Variants in TSNARE1 observed in about 807,000 individuals in gnomAD.
TSNARE1 encodes the protein t-SNARE domain-containing protein 1.
TSNARE1 carries 49 observed loss-of-function variants against 62.0 expected under a neutral mutation model. That is an observed-to-expected ratio of 0.79 (90% CI 0.63 to 1.00). TSNARE1 has a LOEUF of 1.00. TSNARE1 is among the 50% of genes least tolerant of loss of function. The probability of loss-of-function intolerance (pLI) is 0.00; values close to 1 mark genes in which losing one functional copy is unlikely to be tolerated. For synonymous variants in TSNARE1, 328 were observed against 294.4 expected (o/e 1.11, Z -1.17); for missense variants, 755 against 700.1 (o/e 1.08, Z -0.88).
chr8:142,330,284 T>C lies in TSNARE1; in HGVS notation c.893+617A>G, dbSNP rs909624610. Among the ~76,000 whole-genome samples, 6 of 152,130 alleles carry C rather than the reference T, an allele frequency of 3.9e-5. No individual in the cohort carries two copies. In the South Asian group the frequency reaches 6.2e-4, roughly 16 times the overall value. ...AACCACACCCAGGGCAGGTGCTCCC[T>C]TCCCCCCGCTCCCCAGCCCAGCCAG... is the stretch of plus-strand genomic sequence containing the variant. On this transcript the variant is annotated intron_variant, in intron 6 of 13. Transcript: ENST00000524325.
intron 2 of TSNARE1, 84 bp from the exon 3 acceptor site, chr8:142,345,976 C>A: frequency 1.3e-6 from 2 of 1,495,606 alleles, no homozygotes; most frequent in Non-Finnish European, 1.8e-6. Flanking sequence ...GGACAGCAGA[C>A]ACCCAGGACC....
intron 4 of TSNARE1, among the ~76,000 whole-genome samples, chr8:142,342,398 C>T (rs115638669): frequency 7.9e-4 from 120 of 152,282 alleles, no homozygotes; most frequent in African/African-American, 1.2e-3. Context: ...GCCAGCACTG[C>T]GGTCCTCGCC....
At position 142,284,402 on chromosome 8, in the gene TSNARE1, C is replaced by T. The variant is rs570698809; in HGVS notation, c.1363+11G>A. 23 of 1,611,008 alleles carry T rather than the reference C, an allele frequency of 1.4e-5. No individual in the cohort carries two copies. In the South Asian group the frequency reaches 1.9e-4, roughly 13 times the overall value. On this transcript the variant is annotated intron_variant, in intron 11 of 13. Transcript: ENST00000524325. ...GGCAGCAGGTGGCCCGAGGCTGGGG[C>T]GGGTACCCACCAACAGCTTCTCCTT...
intron 13 of TSNARE1, among the ~76,000 whole-genome samples, chr8:142,220,421 G>A (rs1195340212): frequency 6.6e-6 from 1 of 152,168 alleles, no homozygotes; most frequent in East Asian, 1.9e-4. Flanking sequence ...TGGAGCTCAG[G>A]GAGGCTGGGT....
chr8:142,332,103 C>T (rs187026911), intron 4 of TSNARE1, among the ~76,000 whole-genome samples: 11 of 152,340 alleles, frequency 7.2e-5, no homozygotes, highest in East Asian at 3.9e-4. Context: ...TTCCATACAC[C>T]GCAGCAGCTG....
At chr8:142,313,693 G>A (rs1828037995) in intron 9 of TSNARE1, among the ~76,000 whole-genome samples, 1 of 152,002 alleles carries the variant, frequency 6.6e-6, no homozygotes, top group Non-Finnish European at 1.5e-5. Flanking sequence ...TTATCTCTGT[G>A]CATCTGTGTT....
chr8:142,269,320 G>A, intron 12 of TSNARE1: 2 of 495,848 alleles, frequency 4.0e-6, no homozygotes, highest in South Asian at 8.6e-5. Flanking sequence ...GCAGGATCAG[G>A]GCTCAGGGTC....
chr8:142,246,271 G>C (rs1184405596), intron 12 of TSNARE1, among the ~76,000 whole-genome samples: 4 of 152,134 alleles, frequency 2.6e-5, no homozygotes, highest in Non-Finnish European at 5.9e-5. Context: ...AGATGGCAGG[G>C]CTGGGCTGAG....
chr8:142,285,190 G>A (rs1029939768), intron 10 of TSNARE1, among the ~76,000 whole-genome samples: 1 of 149,550 alleles, frequency 6.7e-6, no homozygotes, highest in Non-Finnish European at 1.5e-5. Context: ...GGTGGGTGAT[G>A]GGTGGATGGG....
At chr8:142,257,476 A>G (rs1818642726) in intron 12 of TSNARE1, among the ~76,000 whole-genome samples, 1 of 151,358 alleles carries the variant, frequency 6.6e-6, no homozygotes, top group Non-Finnish European at 1.5e-5. Flanking sequence ...CAGCCAGGAG[A>G]CTCTGGGAGC....
At chr8:142,215,685 G>T (rs992550487) in intron 13 of TSNARE1, among the ~76,000 whole-genome samples, 2 of 152,186 alleles carry the variant, frequency 1.3e-5, no homozygotes, top group African/African-American at 4.8e-5. Flanking sequence ...AGGCCAAGGG[G>T]GCAGCAGCCT....
At position 142,354,671 on chromosome 8, in the gene TSNARE1, G is replaced by C. The variant is rs891427472; in HGVS notation, c.54C>G (p.Phe18Leu). 6.2e-7 allele frequency: 1 copy of C among 1,613,076 alleles called. No homozygotes were observed. The highest frequency in any genetic ancestry group is 1.3e-5 in the African/African-American group (1 of 74,870). Residue 18 changes from phenylalanine to leucine, a missense_variant, in exon 2 of 14, where the codon TTC becomes TTG. Transcript: ENST00000524325. ...GACAGCCTTGTCTCGAAGGTCCCCCGAAAGGGCCACGGCTCCCCAGGCCAC... is the reference window on the plus strand; with the variant it reads ...GACAGCCTTGTCTCGAAGGTCCCCCCAAAGGGCCACGGCTCCCCAGGCCAC... ...RGGGLGSRGP[F>L]GGPSRQGCQP...
At chr8:142,217,092 A>C (rs1002943321) in intron 13 of TSNARE1, among the ~76,000 whole-genome samples, 17 of 151,762 alleles carry the variant, frequency 1.1e-4, no homozygotes, top group Non-Finnish European at 1.5e-5. Flanking sequence ...AAATACAAAA[A>C]ATTAGCAAGG....
At chr8:142,218,590 T>C (rs745711227) in intron 13 of TSNARE1, among the ~76,000 whole-genome samples, 63 of 152,230 alleles carry the variant, frequency 4.1e-4, no homozygotes, top group Non-Finnish European at 7.8e-4. Context: ...GCCAGGGAGC[T>C]GTGAGCCCAG....
At chr8:142,215,134 C>T (rs1001338580) in intron 13 of TSNARE1, among the ~76,000 whole-genome samples, 2 of 152,204 alleles carry the variant, frequency 1.3e-5, no homozygotes, top group South Asian at 2.1e-4. Context: ...AGGGCCCGCA[C>T]GGACACCATG....
chr8:142,323,173 G>A (rs994650789), intron 6 of TSNARE1, among the ~76,000 whole-genome samples: 1 of 152,262 alleles, frequency 6.6e-6, no homozygotes, highest in South Asian at 2.1e-4. Context: ...TATGATGCCA[G>A]TTCTTTAATT....
At position 142,300,509 on chromosome 8, in the gene TSNARE1, C is replaced by T. The variant is rs1825536890; in HGVS notation, c.1267G>A (p.Glu423Lys). Residue 423 changes from glutamate to lysine, a missense_variant, in exon 10 of 14, where the codon GAG becomes AAG. Coordinates refer to ENST00000524325, the MANE Select transcript of TSNARE1 (RefSeq NM_145003.5). The part of the protein sequence containing the change: ...EEDLEAIRLR[E>K]EAILQMESNL... ...ACCTCCATCTGCAGGATGGCCTCCT[C>T]CCGCAGCCGGATGGCCTCCAGGTCC... is the stretch of plus-strand genomic sequence containing the variant. 3 of 1,607,450 alleles carry T rather than the reference C, an allele frequency of 1.9e-6. No homozygotes were observed. The Admixed American group carries it at 5.0e-5, about 27-fold the overall frequency.
intron 7 of TSNARE1, among the ~76,000 whole-genome samples, chr8:142,316,568 T>C (rs1243208711): frequency 1.3e-5 from 2 of 151,866 alleles, no homozygotes; most frequent in Non-Finnish European, 2.9e-5. Flanking sequence ...CAGTAACTCT[T>C]AGTTGTACAG....
chr8:142,314,485 G>C (rs369208302), intron 8 of TSNARE1, 45 bp from the exon 9 acceptor site: 2 of 1,560,754 alleles, frequency 1.3e-6, no homozygotes, highest in Middle Eastern at 3.3e-4. Flanking sequence ...AGAGCAAAAA[G>C]GGTGGGGAAG....
Sources: gnomAD v4.1 joint callset for allele counts (sites outside exome capture counted in the v4.1 genomes callset) on GRCh38, gnomAD v4.1.1 for gene constraint, MANE v1.5 for transcripts, NCBI Gene and HGNC (gene_info 2026-07-23, HGNC 2026-07-21) for gene names.